The following TMEM120A variants were observed in gnomAD, a reference collection of about 807,000 sequenced individuals.
The protein encoded by TMEM120A is transmembrane protein 120A.
Under a neutral mutation model 54.3 loss-of-function variants are expected in TMEM120A, and 45 were observed. The ratio of observed to expected loss-of-function variants is 0.83; its 90% CI spans 0.65 to 1.06. The LOEUF is 1.06. TMEM120A is among the 50% of genes least tolerant of loss of function. The pLI is 0.00. For missense variants in TMEM120A, 424 were observed against 441.7 expected (o/e 0.96, Z 0.36); for synonymous variants, 204 against 178.5 (o/e 1.14, Z -1.14).
At position 75,987,394 on chromosome 7, in the gene TMEM120A, T is replaced by C. The variant is rs782774696; in HGVS notation, c.884A>G (p.Asn295Ser). Residue 295 changes from asparagine (N) to serine (S), a missense_variant, in exon 11 of 12, where the codon AAC (asparagine) becomes AGC (serine). Coordinates refer to ENST00000493111, the MANE Select transcript of TMEM120A (RefSeq NM_031925.3). ...WQLFNALTLF[N>S]LAQDPQCKEW... ...CTTGCACTGAGGGTCCTGGGCCAGG[T>C]TGAACAACGTCAGCGCGTTAAAAAG... 1.7e-5 allele frequency: 27 copies of C among 1,565,456 alleles called. No homozygotes were observed. The highest frequency in any genetic ancestry group is 1.1e-4 in the African/African-American group (8 of 73,544).
chr7:75,992,680 G>T, intron 1 of TMEM120A, 123 bp from the exon 2 acceptor site: 1 of 687,998 alleles, frequency 1.5e-6, no homozygotes, highest in Non-Finnish European at 2.4e-6. Flanking sequence ...CGGGAAAGGA[G>T]GTAGAACTGT....
chr7:75,987,767 G>C lies in TMEM120A; in HGVS notation c.735C>G (p.Leu245=). ...GCTCGCCCAGCGCCCGCAGGCGGTA[G>C]AGGCAGCCGCTCTGGTAGTAGTACT... ...FLQYYYQSGC[L]YRLRALGERH... is the part of the protein sequence containing the mutation. Residue 245 remains leucine (L), a synonymous_variant, in exon 9 of 12, where the codon CTC becomes CTG. Transcript: ENST00000493111. 6.2e-7 allele frequency: 1 copy of C among 1,612,096 alleles called. No homozygotes were observed. The highest frequency in any genetic ancestry group is 8.5e-7 in the Non-Finnish European group (1 of 1,179,760).
chr7:75,991,618 G>A (rs1171068979), intron 3 of TMEM120A, among the ~76,000 whole-genome samples: 3 of 151,956 alleles, frequency 2.0e-5, no homozygotes, highest in African/African-American at 4.8e-5. Context: ...TTGCCCAGGC[G>A]GGTCTTGAAC....
At position 75,987,570 on chromosome 7, in the gene TMEM120A, T is replaced by C. The variant is rs1585139172; in HGVS notation, c.817A>G (p.Thr273Ala). Residue 273 changes from threonine to alanine, a missense_variant, in exon 10 of 12, where the codon ACC becomes GCC. Physicochemically the swap from Thr to Ala is moderately conservative, Grantham distance 58. Transcript: ENST00000493111. ...GFQSWMWRGLTFLLPFLFFGH... is the reference protein window; with the variant it reads ...GFQSWMWRGLAFLLPFLFFGH... ...AAGAAAAGAAAAGGCAGCAGGAAGG[T>C]GAGGCCCCGCCACATCCAGGACTGG... is the stretch of plus-strand genomic sequence containing the variant. The C allele has an allele frequency of 6.3e-7, 1 of 1,597,612 alleles. No individual in the cohort carries two copies. Among genetic ancestry groups the C allele is most frequent in the Non-Finnish European group, 8.5e-7 (1 of 1,172,254 alleles).
At chr7:75,992,850 T>C (rs189295177) in intron 1 of TMEM120A, among the ~76,000 whole-genome samples, 2 of 152,316 alleles carry the variant, frequency 1.3e-5, no homozygotes, top group African/African-American at 2.4e-5. Context: ...TTGCCCAGGC[T>C]GAAGTGCAAT....
At chr7:75,993,614 C>T (rs1469991226) in intron 1 of TMEM120A, among the ~76,000 whole-genome samples, 1 of 152,220 alleles carries the variant, frequency 6.6e-6, no homozygotes, top group African/African-American at 2.4e-5. Context: ...TCAATGCCCA[C>T]AGGAAGCAGT....
chr7:75,993,434 T>C (rs1789922503), intron 1 of TMEM120A, among the ~76,000 whole-genome samples: 1 of 152,148 alleles, frequency 6.6e-6, no homozygotes, highest in African/African-American at 2.4e-5. Context: ...CCCTGGTAGG[T>C]GAGTCTCAAG....
At chr7:75,990,327 G>C (rs782703222) in intron 3 of TMEM120A, among the ~76,000 whole-genome samples, 2 of 152,126 alleles carry the variant, frequency 1.3e-5, no homozygotes, top group Middle Eastern at 3.4e-3. Context: ...CAGGAGCACT[G>C]TGCCGGGAGC....
chr7:75,989,101 GA>G (rs1789723161), intron 4 of TMEM120A, 63 bp downstream of exon 4: 1 of 462,144 alleles, frequency 2.2e-6, no homozygotes, highest in Non-Finnish European at 3.8e-6. Flanking sequence ...TTGAGGGGGG[GA>G]GGGGGGTAGG....
Position 75,986,910 on chromosome 7 carries a change from A to AACTC in TMEM120A, c.*258_*261dup, listed in dbSNP as rs1789513921. 1.7e-6 allele frequency: 1 copy of AACTC among 588,838 alleles called. No individual in the cohort carries two copies. Among genetic ancestry groups the AACTC allele is most frequent in the Non-Finnish European group, 3.0e-6 (1 of 333,062 alleles). The allele number at this position is 588,838 out of a possible 1,614,324, so 36.5% of individuals were successfully genotyped here. On this transcript the variant is annotated 3_prime_UTR_variant, in exon 12 of 12. Coordinates refer to ENST00000493111, the MANE Select transcript of TMEM120A (RefSeq NM_031925.3). ...GACCTCCACCTGCATCAACTTAACT[A>AACTC]ACTCAGACCCCAGGAACCCATGTGG...
At chr7:75,989,685 G>C (rs1554561442) in intron 3 of TMEM120A, among the ~76,000 whole-genome samples, 1 of 151,808 alleles carries the variant, frequency 6.6e-6, no homozygotes, top group African/African-American at 2.4e-5. Context: ...TCCCAAACCA[G>C]AACAGAAACT....
intron 4 of TMEM120A, 125 bp from the exon 5 acceptor site, chr7:75,988,641 G>A (rs1235602043): frequency 1.4e-5 from 2 of 148,078 alleles, no homozygotes; most frequent in Admixed American, 1.1e-4. Context: ...GGGGTGGAGG[G>A]GAAGGCCAGG....
chr7:75,988,957 G>T (rs1341846171), intron 4 of TMEM120A, among the ~76,000 whole-genome samples: 1 of 1,484 alleles, frequency 6.7e-4, no homozygotes, highest in African/African-American at 2.0e-3. Context: ...CGGGTGGGGG[G>T]GTGGAGGGGA....
chr7:75,992,318 T>G, intron 2 of TMEM120A, 58 bp from the exon 3 acceptor site: 1 of 1,555,018 alleles, frequency 6.4e-7, no homozygotes, highest in South Asian at 1.2e-5. Context: ...CCTCCCTGAC[T>G]CCCACAGGGG....
rs567816984 is a variant in TMEM120A, at chr7:75,989,186, G to C, written c.356C>G (p.Thr119Arg). The change falls in exon 4 of 12, where the codon ACG becomes AGG. Residue 119 changes from threonine (T) to arginine (R), a missense_variant. Transcript: ENST00000493111. ...LSLVLGNVNVTLLSKQAKFAY... is the reference protein window; with the variant it reads ...LSLVLGNVNVRLLSKQAKFAY... ...TTACTTAGCCTGCTTGCTCAGGAGC[G>C]TGACGTTGACGTTCCCCAGAACCAG... 3 of 1,562,362 alleles carry C rather than the reference G, an allele frequency of 1.9e-6. No individual in the cohort carries two copies. Among genetic ancestry groups the C allele is most frequent in the East Asian group, 2.4e-5 (1 of 42,110 alleles).
intron 3 of TMEM120A, among the ~76,000 whole-genome samples, 166 bp from the exon 4 acceptor site, chr7:75,989,390 C>T (rs976355866): frequency 3.3e-5 from 5 of 151,622 alleles, no homozygotes; most frequent in Non-Finnish European, 5.9e-5. Flanking sequence ...TGCAGACCCA[C>T]TCCCTGCCAT....
In TMEM120A at chr7:75,992,500, A is replaced by G. The variant is rs1257740461; in HGVS notation, c.139T>C (p.Cys47Arg). ...TTCTGCCGCGTGATGGAGCTGGTGC[A>G]ATTGTTCTGAAGTTTGGTCAGCTCC... The part of the protein sequence containing the change: ...LEELTKLQNN[C>R]TSSITRQKKR... The change falls in exon 2 of 12, where the codon TGC (cysteine) becomes CGC (arginine). Residue 47 changes from cysteine to arginine, a missense_variant. Cys to Arg is a radical substitution (Grantham distance 180, BLOSUM62 -3). Transcript: ENST00000493111. 1.3e-6 allele frequency: 2 copies of G among 1,595,892 alleles called. No homozygotes were observed. Among genetic ancestry groups the G allele is most frequent in the Non-Finnish European group, 1.7e-6 (2 of 1,171,700 alleles).
At chr7:75,992,066 A>C (rs967583263) in intron 3 of TMEM120A, 78 bp downstream of exon 3, 39 of 1,047,666 alleles carry the variant, frequency 3.7e-5, no homozygotes, top group South Asian at 2.1e-4. Context: ...TTTGCTGACT[A>C]TAATGACCAA....
chr7:75,988,574 C>T (rs1554560857), intron 4 of TMEM120A, 58 bp from the exon 5 acceptor site: 1 of 1,295,886 alleles, frequency 7.7e-7, no homozygotes, highest in Non-Finnish European at 1.1e-6. Context: ...TGTGTGCCCC[C>T]ACCCCGGGAG....
Sources: allele counts gnomAD v4.1 joint callset (sites outside exome capture counted in the v4.1 genomes callset), GRCh38; gene constraint gnomAD v4.1.1; transcripts MANE v1.5; gene names NCBI Gene and HGNC (gene_info 2026-07-23, HGNC 2026-07-21).